The following NLRC5 variants were observed in gnomAD, a reference collection of about 807,000 sequenced individuals.
The protein encoded by NLRC5 is protein NLRC5.
Under a neutral mutation model 206.9 loss-of-function variants are expected in NLRC5, and 114 were observed. The ratio of observed to expected loss-of-function variants is 0.55; its 90% CI spans 0.47 to 0.64. The LOEUF is 0.64. NLRC5 is among the 30% of genes least tolerant of loss of function. The pLI, the probability that NLRC5 is intolerant of heterozygous loss-of-function variation, is 0.00. For missense variants in NLRC5, 2,008 were observed against 2,305.5 expected, an observed-to-expected ratio of 0.87 and a Z score of 2.64; for synonymous variants, 952 against 962.8, an observed-to-expected ratio of 0.99 and a Z score of 0.21.
rs528175085 is a variant in NLRC5, at chr16:57,025,807, C to T, written c.864C>T (p.His288=). ...FDLYLSPESD[H]DTVFQYLEKN... ...TGTACCTGAGCCCTGAATCGGACCACGACACTGTCTTCCAGTACCTGGAGA... is the reference window on the plus strand; with the variant it reads ...TGTACCTGAGCCCTGAATCGGACCATGACACTGTCTTCCAGTACCTGGAGA... The change falls in exon 6 of 49, where the codon CAC becomes CAT. Residue 288 remains histidine, a synonymous_variant. Coordinates refer to ENST00000688547, the MANE Select transcript of NLRC5 (RefSeq NM_001384950.1). The T allele has an allele frequency of 9.3e-6, 15 of 1,614,252 alleles. 1 individual carries two copies. Among genetic ancestry groups the T allele is most frequent in the South Asian group, 7.7e-5 (7 of 91,086 alleles).
Position 57,025,905 on chromosome 16 carries a change from C to G in NLRC5, c.962C>G (p.Pro321Arg), listed in dbSNP as rs1479277131. Residue 321 changes from proline to arginine, a missense_variant, in exon 6 of 49, where the codon CCA (proline) becomes CGA (arginine). By Grantham distance (103) the Pro-to-Arg change is moderately radical (BLOSUM62 -2). Coordinates refer to ENST00000688547, the MANE Select transcript of NLRC5 (RefSeq NM_001384950.1). ...EALQPMGPDG[P>R]GPVLTLFSHL... ...CTCCAGCCTATGGGTCCTGATGGCC[C>G]AGGCCCAGTCCTCACCCTTTTCTCC... The G allele has an allele frequency of 6.2e-7, 1 of 1,614,206 alleles. No individual in the cohort carries two copies. Among genetic ancestry groups the G allele is most frequent in the Non-Finnish European group, 8.5e-7 (1 of 1,180,030 alleles).
Position 57,081,620 on chromosome 16 carries a change from G to A in NLRC5, c.5489+10G>A. The stretch of plus-strand genomic sequence containing the variant: ...GCATCCAAGTCATCCGGTAACAGAG[G>A]CCTGCAGGGGCAGGGATGGTGGGTG... On this transcript the variant is annotated intron_variant, in intron 48 of 48. Coordinates refer to ENST00000688547, the MANE Select transcript of NLRC5 (RefSeq NM_001384950.1). 3.1e-6 allele frequency: 5 copies of A among 1,612,254 alleles called. No homozygotes were observed. Among genetic ancestry groups the A allele is most frequent in the Non-Finnish European group, 4.2e-6 (5 of 1,178,418 alleles).
chr16:57,015,729 AC>A (rs1248979166), intron 1 of NLRC5, among the ~76,000 whole-genome samples: 1 of 151,878 alleles, frequency 6.6e-6, no homozygotes, highest in Non-Finnish European at 1.5e-5. Context: ...GGAGTTCAAG[AC>A]CAGCCTGACC....
At chr16:56,995,250 T>G (rs2057457246) in intron 1 of NLRC5, among the ~76,000 whole-genome samples, 1 of 152,146 alleles carries the variant, frequency 6.6e-6, no homozygotes, top group African/African-American at 2.4e-5. Flanking sequence ...TCCCCAGGAA[T>G]CGCAGAGCTC....
At chr16:57,028,534 G>A (rs2061478853) in intron 8 of NLRC5, 149 bp downstream of exon 8, 2 of 638,334 alleles carry the variant, frequency 3.1e-6, no homozygotes, top group Non-Finnish European at 5.5e-6. Context: ...CAAGTACTCA[G>A]TAGGGCTGAG....
Position 57,077,753 on chromosome 16 carries a change from G to A in NLRC5, c.4954G>A (p.Val1652Met), listed in dbSNP as rs1212138488. The change falls in exon 42 of 49, where the codon GTG (valine) becomes ATG (methionine). Residue 1652 changes from valine to methionine, a missense_variant. Physicochemically the swap from Val to Met is conservative, Grantham distance 21. Transcript: ENST00000688547. Reference protein sequence around the residue: ...SGNSISSAGGVQLAESLVLCR... With the variant: ...SGNSISSAGGMQLAESLVLCR... ...GAATAGCATCAGCTCAGCCGGGGGA[G>A]TGCAGTTGGCAGAGTCTCTCGTTCT... The A allele has an allele frequency of 1.9e-6, 3 of 1,604,196 alleles. No homozygotes were observed. Among genetic ancestry groups the A allele is most frequent in the Non-Finnish European group, 2.6e-6 (3 of 1,174,258 alleles).
rs771940042 is a variant in NLRC5 at position 57,026,702 on chromosome 16, T to G, written c.1759T>G (p.Cys587Gly). ...CCACCTGGCGCAGGGCAATGAGGACTGTGTGGGTGCCAAGCAGGCTGCTGT... is the reference window on the plus strand; with the variant it reads ...CCACCTGGCGCAGGGCAATGAGGACGGTGTGGGTGCCAAGCAGGCTGCTGT... ...LSHLAQGNED[C>G]VGAKQAAVVQ... Residue 587 changes from cysteine to glycine, a missense_variant, in exon 6 of 49, where the codon TGT (cysteine) becomes GGT (glycine). Physicochemically the swap from Cys to Gly is radical, Grantham distance 159. Transcript: ENST00000688547. 6.2e-7 allele frequency: 1 copy of G among 1,613,920 alleles called. No individual in the cohort carries two copies. Among genetic ancestry groups the G allele is most frequent in the South Asian group, 1.1e-5 (1 of 91,084 alleles).
At chr16:57,046,353 C>A (rs893539816) in intron 21 of NLRC5, among the ~76,000 whole-genome samples, 199 bp from the exon 22 acceptor site, 2 of 152,184 alleles carry the variant, frequency 1.3e-5, no homozygotes, top group East Asian at 3.8e-4. Flanking sequence ...CCCATCTGAA[C>A]AATGAGGGAC....
At chr16:57,037,160 A>G (rs770544922) in intron 14 of NLRC5, 35 bp from the exon 15 acceptor site, 1 of 1,582,788 alleles carries the variant, frequency 6.3e-7, no homozygotes, top group South Asian at 1.1e-5. Context: ...TACCTCAGCC[A>G]CATGCCAACG....
chr16:57,048,924 T>C (rs1428334694), intron 23 of NLRC5, among the ~76,000 whole-genome samples: 1 of 152,202 alleles, frequency 6.6e-6, no homozygotes, highest in Non-Finnish European at 1.5e-5. Flanking sequence ...GAGTATATAC[T>C]GATGCCTTTT....
chr16:57,067,550 G>A (rs2067202475), intron 35 of NLRC5, 80 bp downstream of exon 35: 2 of 1,446,400 alleles, frequency 1.4e-6, no homozygotes, highest in African/African-American at 2.8e-5. Flanking sequence ...GTGTGACCCT[G>A]GCATTCTCAC....
intron 1 of NLRC5, among the ~76,000 whole-genome samples, chr16:56,999,032 G>T (rs1320506729): frequency 1.3e-5 from 2 of 152,220 alleles, no homozygotes; most frequent in African/African-American, 4.8e-5. Flanking sequence ...TGCCAGCATG[G>T]TCGGGTTCTG....
rs200666185 is a variant in NLRC5, at chr16:57,082,506, C to T, written c.5579C>T (p.Pro1860Leu). ...RLDFAFFDNQ[P>L]QAPWGT The stretch of plus-strand genomic sequence containing the variant: ...GACTTTGCCTTCTTTGACAACCAGC[C>T]CCAGGCCCCTTGGGGTACTTGATGG... The change falls in exon 49 of 49, where the codon CCC becomes CTC. Residue 1860 changes from proline (P) to leucine (L), a missense_variant. By Grantham distance (98) the Pro-to-Leu change is moderately conservative. Coordinates refer to ENST00000688547, the MANE Select transcript of NLRC5 (RefSeq NM_001384950.1). 7.4e-6 allele frequency: 12 copies of T among 1,613,534 alleles called. No individual in the cohort carries two copies. The highest frequency in any genetic ancestry group is 7.6e-6 in the Non-Finnish European group (9 of 1,179,748).
chr16:57,081,112 T>C lies in NLRC5; in HGVS notation c.5336T>C (p.Leu1779Pro), dbSNP rs762050216. Residue 1779 changes from leucine to proline, a missense_variant, in exon 47 of 49, where the codon CTC becomes CCC. Coordinates refer to ENST00000688547, the MANE Select transcript of NLRC5 (RefSeq NM_001384950.1). Reference protein sequence around the residue: ...ALEVILLSWNLLGDEAAAELA... With the variant: ...ALEVILLSWNPLGDEAAAELA... ...CTACCCTGCAGGCTGTCCTGGAATC[T>C]CCTCGGGGATGAGGCAGCTGCCGAG... is the stretch of plus-strand genomic sequence containing the variant. 1 of 1,548,258 alleles carries C rather than the reference T, an allele frequency of 6.5e-7. No homozygotes were observed. Among genetic ancestry groups the C allele is most frequent in the South Asian group, 1.2e-5 (1 of 84,282 alleles).
intron 46 of NLRC5, among the ~76,000 whole-genome samples, chr16:57,079,950 G>A (rs2068920015): frequency 6.6e-6 from 1 of 152,202 alleles, no homozygotes; most frequent in South Asian, 2.1e-4. Flanking sequence ...CAACTGGATA[G>A]ACCACCTTGC....
chr16:57,017,603 A>T (rs1183548094), intron 2 of NLRC5, among the ~76,000 whole-genome samples: 10 of 152,050 alleles, frequency 6.6e-5, no homozygotes, highest in Admixed American at 6.6e-4. Context: ...CCTCCACATC[A>T]TCCTGTCTCC....
chr16:57,035,368 C>A (rs1274589019), intron 13 of NLRC5, among the ~76,000 whole-genome samples: 8 of 152,108 alleles, frequency 5.3e-5, no homozygotes, highest in Admixed American at 5.2e-4. Flanking sequence ...CTGATGCCTG[C>A]CCCCTTCACT....
In NLRC5 at chr16:57,040,640, GTCCC is replaced by G. The variant is rs2063166225; in HGVS notation, c.2871-6_2871-3del. 1 of 1,613,792 alleles carries G rather than the reference GTCCC, an allele frequency of 6.2e-7. No homozygotes were observed. Among genetic ancestry groups the G allele is most frequent in the Admixed American group, 1.7e-5 (1 of 60,004 alleles). On this transcript the variant is annotated splice_polypyrimidine_tract_variant and splice_region_variant and intron_variant, in intron 16 of 48. Transcript: ENST00000688547. ...CTTTGCTCAGCCTGGCCTTGGTGAT[GTCCC>G]TCCAGGGCTGCATTTCTTGACAGCC... is the stretch of plus-strand genomic sequence containing the variant.
At position 57,059,046 on chromosome 16, in the gene NLRC5, G is replaced by C; in HGVS notation, c.3905G>C (p.Arg1302Pro). 1 of 1,614,034 alleles carries C rather than the reference G, an allele frequency of 6.2e-7. No homozygotes were observed. The highest frequency in any genetic ancestry group is 8.5e-7 in the Non-Finnish European group (1 of 1,180,010). Residue 1302 changes from arginine (R) to proline (P), a missense_variant, in exon 29 of 49, where the codon CGG (arginine) becomes CCG (proline). Coordinates refer to ENST00000688547, the MANE Select transcript of NLRC5 (RefSeq NM_001384950.1). ...LETLPSCPRV[R>P]EASVNLGSEQ... is the part of the protein sequence containing the mutation. ...ACACTGCCCTCCTGCCCACGTGTCCGGGAGGCCTCAGTGAAGTAAGGGGAT... is the reference window on the plus strand; with the variant it reads ...ACACTGCCCTCCTGCCCACGTGTCCCGGAGGCCTCAGTGAAGTAAGGGGAT...
Sources: gnomAD v4.1 joint callset for allele counts (sites outside exome capture counted in the v4.1 genomes callset) on GRCh38, gnomAD v4.1.1 for gene constraint, MANE v1.5 for transcripts, NCBI Gene and HGNC (gene_info 2026-07-23, HGNC 2026-07-21) for gene names.